PTDSS1: variants seen among roughly 807,000 people sequenced by gnomAD.
PTDSS1 encodes the protein PSS-1.
Under a neutral mutation model 70.5 loss-of-function variants are expected in PTDSS1, and 45 were observed. That is an observed-to-expected ratio of 0.64 (90% CI 0.50 to 0.82). The LOEUF is 0.82. PTDSS1 is among the 40% of genes least tolerant of loss of function. The pLI is 0.00. For missense variants in PTDSS1, 417 were observed against 586.1 expected (o/e 0.71, Z 2.98); for synonymous variants, 188 against 203.8 (o/e 0.92, Z 0.66).
chr8:96,330,282 G>T lies in PTDSS1; in HGVS notation c.1242+1G>T. On this transcript the variant is annotated splice_donor_variant, in intron 11 of 12. Transcript: ENST00000517309. LOFTEE classifies it high-confidence loss of function. ...AGAACACTATGGTCACCGAGAAAAGGTATGGAAGGAGAGGCAGGCATGGCC... is the reference window on the plus strand; with the variant it reads ...AGAACACTATGGTCACCGAGAAAAGTTATGGAAGGAGAGGCAGGCATGGCC... The T allele has an allele frequency of 6.2e-7, 1 of 1,608,396 alleles. No homozygotes were observed. Among genetic ancestry groups the T allele is most frequent in the Non-Finnish European group, 8.5e-7 (1 of 1,176,016 alleles).
chr8:96,318,085 G>A (rs1811321731), intron 9 of PTDSS1, among the ~76,000 whole-genome samples: 1 of 152,144 alleles, frequency 6.6e-6, no homozygotes, highest in Admixed American at 6.5e-5. Context: ...AGCACTTTGG[G>A]AGGCTGAGGT....
chr8:96,273,246 G>A (rs1036804471), intron 1 of PTDSS1, 53 bp from the exon 2 acceptor site: 2 of 1,350,636 alleles, frequency 1.5e-6, no homozygotes, highest in Non-Finnish European at 2.0e-6. Context: ...CTTCCTCTAG[G>A]TTTTCTATTT....
chr8:96,331,365 C>T (rs1033892951), intron 12 of PTDSS1, among the ~76,000 whole-genome samples: 4 of 151,860 alleles, frequency 2.6e-5, no homozygotes, highest in African/African-American at 9.7e-5. Flanking sequence ...CCCGTCTCTA[C>T]AAAAAATACA....
intron 9 of PTDSS1, among the ~76,000 whole-genome samples, chr8:96,315,667 A>G (rs916002210): frequency 3.3e-5 from 5 of 152,184 alleles, no homozygotes; most frequent in Non-Finnish European, 5.9e-5. Context: ...GCCCTAGGTC[A>G]GGAATCTCTA....
At chr8:96,279,846 T>C (rs1441591366) in intron 2 of PTDSS1, among the ~76,000 whole-genome samples, 1 of 150,874 alleles carries the variant, frequency 6.6e-6, no homozygotes, top group East Asian at 1.9e-4. Flanking sequence ...AATAAATAAA[T>C]AAATAAATTT....
chr8:96,278,259 A>T (rs1253135489), intron 2 of PTDSS1, among the ~76,000 whole-genome samples: 1 of 152,210 alleles, frequency 6.6e-6, no homozygotes, highest in Non-Finnish European at 1.5e-5. Flanking sequence ...AGAAATTTAT[A>T]GTGTTTAGAG....
intron 2 of PTDSS1, among the ~76,000 whole-genome samples, chr8:96,281,344 C>G (rs1245604084): frequency 6.6e-6 from 1 of 152,196 alleles, no homozygotes; most frequent in Non-Finnish European, 1.5e-5. Context: ...AAGGCTCACA[C>G]TCGCAGGGCG....
At chr8:96,272,042 G>A (rs140066507) in intron 1 of PTDSS1, among the ~76,000 whole-genome samples, 129 of 152,052 alleles carry the variant, frequency 8.5e-4, no homozygotes, top group African/African-American at 2.8e-3. Flanking sequence ...TCTTTTGCCC[G>A]TTTTTCTATT....
chr8:96,266,244 ATTG>A (rs1810485995), intron 1 of PTDSS1, among the ~76,000 whole-genome samples: 1 of 152,220 alleles, frequency 6.6e-6, no homozygotes, highest in African/African-American at 2.4e-5. Context: ...TCCAACAAAA[ATTG>A]TTACTTACCT....
chr8:96,314,635 C>T (rs1378947143), intron 9 of PTDSS1, among the ~76,000 whole-genome samples: 2 of 151,606 alleles, frequency 1.3e-5, no homozygotes, highest in South Asian at 2.1e-4. Flanking sequence ...CTCACTCTGT[C>T]GCCCAGGCTG....
Position 96,336,019 on chromosome 8 carries a change from T to TCTTTCTGATGACTCACTGGCCAAATAC in PTDSS1, c.*2453_*2454insCTTTCTGATGACTCACTGGCCAAATAC, listed in dbSNP as rs1811589282. On this transcript the variant is annotated 3_prime_UTR_variant, in exon 13 of 13. Coordinates refer to ENST00000517309, the MANE Select transcript of PTDSS1 (RefSeq NM_014754.3). ...AGCATTGCATTGAGTGTTAGGTTCT[T>TCTTTCTGATGACTCACTGGCCAAATAC]TTCCCTTTTTTTCATTCTTGGTCTT... 1.3e-5 allele frequency: 2 copies of TCTTTCTGATGACTCACTGGCCAAATAC among 152,154 alleles called. No homozygotes were observed. Among genetic ancestry groups the TCTTTCTGATGACTCACTGGCCAAATAC allele is most frequent in the African/African-American group, 4.8e-5 (2 of 41,380 alleles). The allele number at this position is 152,154 out of a possible 1,614,324, so 9.4% of individuals were successfully genotyped here.
chr8:96,295,043 GA>G, intron 4 of PTDSS1, 54 bp from the exon 5 acceptor site: 1 of 1,503,226 alleles, frequency 6.7e-7, no homozygotes. Flanking sequence ...CAGAATCCTG[GA>G]AGCAAGTTGA....
intron 2 of PTDSS1, among the ~76,000 whole-genome samples, chr8:96,280,382 C>T (rs1345739712): frequency 6.6e-6 from 1 of 151,804 alleles, no homozygotes; most frequent in Non-Finnish European, 1.5e-5. Context: ...ATTAGCTGGG[C>T]GTGGTGGCAC....
intron 7 of PTDSS1, among the ~76,000 whole-genome samples, chr8:96,305,959 G>A (rs929889965): frequency 6.6e-6 from 1 of 152,160 alleles, no homozygotes; most frequent in East Asian, 1.9e-4. Flanking sequence ...GGGGTTACAG[G>A]CATGAGCCAC....
intron 4 of PTDSS1, among the ~76,000 whole-genome samples, chr8:96,288,965 C>T (rs188213085): frequency 2.0e-5 from 3 of 151,812 alleles, no homozygotes; most frequent in East Asian, 3.9e-4. Flanking sequence ...GACGGAGTCT[C>T]GCTCTGTCAC....
chr8:96,306,684 T>C, intron 8 of PTDSS1, 128 bp downstream of exon 8: 2 of 737,642 alleles, frequency 2.7e-6, no homozygotes, highest in Non-Finnish European at 4.6e-6. Context: ...GAATTGTACA[T>C]CCAGAATATG....
chr8:96,287,982 G>C (rs1037641391), intron 4 of PTDSS1, among the ~76,000 whole-genome samples: 1 of 152,156 alleles, frequency 6.6e-6, no homozygotes, highest in Non-Finnish European at 1.5e-5. Flanking sequence ...CCACATTTCA[G>C]ATGCCACTCG....
chr8:96,308,155 T>C (rs1319051488), intron 8 of PTDSS1, among the ~76,000 whole-genome samples: 2 of 152,234 alleles, frequency 1.3e-5, no homozygotes, highest in Non-Finnish European at 2.9e-5. Context: ...CTCCAGCTTC[T>C]TCCTTTTTTA....
rs549283376 is a variant in PTDSS1 at position 96,336,323 on chromosome 8, G to C, written c.*2757G>C. ...TCAGAAGCCACCGTGTAGCACCCTG[G>C]AATGATGCCTCTTTATGCCAAGGCC... On this transcript the variant is annotated 3_prime_UTR_variant, in exon 13 of 13. Transcript: ENST00000517309. 1 of 152,010 alleles carries C rather than the reference G, an allele frequency of 6.6e-6. No individual in the cohort carries two copies. The highest frequency in any genetic ancestry group is 1.5e-5 in the Non-Finnish European group (1 of 68,064). The allele number at this position is 152,010 out of a possible 1,614,324, so 9.4% of individuals were successfully genotyped here. A position where few individuals can be genotyped will look rare whatever the true frequency, so the allele number is the denominator to read the frequency against.
Sources: gnomAD v4.1 joint callset for allele counts (sites outside exome capture counted in the v4.1 genomes callset) on GRCh38, gnomAD v4.1.1 for gene constraint, MANE v1.5 for transcripts, NCBI Gene and HGNC (gene_info 2026-07-23, HGNC 2026-07-21) for gene names.